The following IL5RA variants were observed in gnomAD, a reference collection of about 807,000 sequenced individuals.
IL5RA encodes interleukin-5 receptor subunit alpha.
IL5RA carries 49 observed loss-of-function variants against 50.0 expected under a neutral mutation model. That is an observed-to-expected ratio of 0.98 (90% CI 0.78 to 1.24). The LOEUF (loss-of-function observed/expected upper bound fraction) is 1.24, where lower values mean the gene tolerates loss of function less well. IL5RA is among the 50% of genes most tolerant of loss of function. The probability of loss-of-function intolerance (pLI) is 0.00; values close to 1 mark genes in which losing one functional copy is unlikely to be tolerated. For missense variants in IL5RA, 600 were observed against 500.4 expected (o/e 1.20, Z -1.90); for synonymous variants, 202 against 174.0 (o/e 1.16, Z -1.26).
chr3:3,101,621 T>C (rs1200018013), intron 5 of IL5RA, 71 bp downstream of exon 5: 5 of 1,517,018 alleles, frequency 3.3e-6, no homozygotes, highest in Non-Finnish European at 4.5e-6. Context: ...TGGGTTAGTG[T>C]TAATTTTTCT....
rs1260098821 is a variant in IL5RA at position 3,069,468 on chromosome 3, C to G, written c.*757G>C. ...ATTGAATTATGCTCAATGACTTCCT[C>G]AGCACATTTCCAGAATATTAAGGCT... On this transcript the variant is annotated 3_prime_UTR_variant, in exon 12 of 12. Coordinates refer to ENST00000446632, the MANE Select transcript of IL5RA (RefSeq NM_175726.4). 1 of 152,212 alleles carries G rather than the reference C, an allele frequency of 6.6e-6. No homozygotes were observed. The highest frequency in any genetic ancestry group is 1.5e-5 in the Non-Finnish European group (1 of 68,044). 9.4% of individuals were successfully genotyped at this position (152,212 alleles called of 1,614,324 possible).
At chr3:3,074,287 C>A (rs953345015) in intron 11 of IL5RA, among the ~76,000 whole-genome samples, 3 of 152,190 alleles carry the variant, frequency 2.0e-5, no homozygotes, top group Non-Finnish European at 4.4e-5. Context: ...CTAAGCAGAA[C>A]ATTGTACAAT....
rs907080511 is a variant in IL5RA at position 3,095,292 on chromosome 3, T to A, written c.855+7A>T. 3 of 1,571,292 alleles carry A rather than the reference T, an allele frequency of 1.9e-6. No homozygotes were observed. The African/African-American group carries it at 4.1e-5, about 21-fold the overall frequency. The stretch of plus-strand genomic sequence containing the variant: ...TTATCAAATATTGGAATAATCTGAG[T>A]AATTACCTGCAAATATCCATTCCTT... On this transcript the variant is annotated splice_region_variant and intron_variant, in intron 8 of 11. Transcript: ENST00000446632.
At chr3:3,107,133 G>A (rs900211469) in intron 2 of IL5RA, among the ~76,000 whole-genome samples, 6 of 152,000 alleles carry the variant, frequency 3.9e-5, no homozygotes, top group African/African-American at 1.4e-4. Flanking sequence ...TAAATAAATA[G>A]ACAGCTTTTT....
chr3:3,101,150 G>T (rs1325850496), intron 5 of IL5RA, among the ~76,000 whole-genome samples: 2 of 148,680 alleles, frequency 1.3e-5, no homozygotes, highest in Non-Finnish European at 1.5e-5. Context: ...CTGCACTTCA[G>T]CCTGGGCAAC....
In IL5RA at chr3:3,076,664, G is replaced by C. The variant is rs17882935; in HGVS notation, c.995-37C>G. On this transcript the variant is annotated intron_variant, in intron 9 of 11. Transcript: ENST00000446632. ...CAAAAAAGAAACAAAAAAATATAAA[G>C]TCCAAGTTAGAAGCAGCAGGTAAAA... is the stretch of plus-strand genomic sequence containing the variant. 4.3e-5 allele frequency: 59 copies of C among 1,358,102 alleles called. No individual in the cohort carries two copies. In the African/African-American group the frequency reaches 7.5e-4, roughly 17 times the overall value. The allele number at this position is 1,358,102 out of a possible 1,614,324, so 84.1% of individuals were successfully genotyped here.
At chr3:3,074,034 C>T (rs879039780) in intron 11 of IL5RA, among the ~76,000 whole-genome samples, 7 of 152,214 alleles carry the variant, frequency 4.6e-5, no homozygotes, top group Non-Finnish European at 4.4e-5. Flanking sequence ...CAAGGCAATT[C>T]ACTGGGGAAA....
chr3:3,082,416 A>G (rs1336578573), intron 9 of IL5RA, among the ~76,000 whole-genome samples: 2 of 152,204 alleles, frequency 1.3e-5, no homozygotes, highest in African/African-American at 4.8e-5. Flanking sequence ...GGGTTTCAGA[A>G]AGAAGAAGTC....
intron 1 of IL5RA, among the ~76,000 whole-genome samples, chr3:3,109,280 A>G (rs77400868): frequency 0.099 from 15,146 of 152,246 alleles, 977 homozygotes; most frequent in Middle Eastern, 0.2. Flanking sequence ...ATATACAATG[A>G]AACAATCTTG....
intron 4 of IL5RA, among the ~76,000 whole-genome samples, 171 bp from the exon 5 acceptor site, chr3:3,102,001 T>C (rs899282957): frequency 6.6e-6 from 1 of 152,220 alleles, no homozygotes; most frequent in African/African-American, 2.4e-5. Flanking sequence ...AACATAGTAA[T>C]TTCTCAATGA....
intron 7 of IL5RA, among the ~76,000 whole-genome samples, chr3:3,096,784 C>A (rs1703387352): frequency 6.6e-6 from 1 of 152,140 alleles, no homozygotes; most frequent in South Asian, 2.1e-4. Context: ...ATTCTTTACA[C>A]AAAGTTATAT....
intron 8 of IL5RA, among the ~76,000 whole-genome samples, chr3:3,094,884 C>T (rs1409355772): frequency 2.6e-5 from 4 of 152,062 alleles, no homozygotes; most frequent in Non-Finnish European, 4.4e-5. Context: ...CGCGCCATCA[C>T]GTTGGCTGAT....
chr3:3,100,980 CAATAAT>C (rs35949387), intron 5 of IL5RA, among the ~76,000 whole-genome samples: 14,548 of 141,578 alleles, frequency 0.1, 840 homozygotes, highest in East Asian at 0.16. Flanking sequence ...AACCCCATCT[CAATAAT>C]AATAATAATA....
At chr3:3,075,400 A>G (rs189196474) in intron 10 of IL5RA, among the ~76,000 whole-genome samples, 6 of 151,088 alleles carry the variant, frequency 4.0e-5, no homozygotes, top group Admixed American at 4.0e-4. Flanking sequence ...ACAGGGTTTC[A>G]CCATGTTGCC....
chr3:3,087,109 A>G (rs1702897322), intron 9 of IL5RA, among the ~76,000 whole-genome samples: 1 of 152,200 alleles, frequency 6.6e-6, no homozygotes, highest in Non-Finnish European at 1.5e-5. Flanking sequence ...TCACCTATTC[A>G]GTATGATGTA....
chr3:3,071,982 C>T (rs2125948478), intron 11 of IL5RA, among the ~76,000 whole-genome samples: 1 of 152,346 alleles, frequency 6.6e-6, no homozygotes, highest in Non-Finnish European at 1.5e-5. Context: ...GGACTTTGGG[C>T]ACCCACCCCA....
intron 9 of IL5RA, among the ~76,000 whole-genome samples, chr3:3,083,319 A>G (rs771109769): frequency 6.6e-6 from 1 of 152,218 alleles, no homozygotes; most frequent in Non-Finnish European, 1.5e-5. Flanking sequence ...AAATGTGTAG[A>G]GTAGTGAAGG....
Position 3,092,045 on chromosome 3 carries a change from C to T in IL5RA, c.994+179G>A. 3 of 1,367,108 alleles carry T rather than the reference C, an allele frequency of 2.2e-6. No individual in the cohort carries two copies. Among genetic ancestry groups the T allele is most frequent in the East Asian group, 2.7e-5 (1 of 36,716 alleles). 84.7% of individuals were successfully genotyped at this position (1,367,108 alleles called of 1,614,324 possible). A position where few individuals can be genotyped will look rare whatever the true frequency, so the allele number is the denominator to read the frequency against. Reference sequence around the variant, plus strand: ...AATGAGAAGCCTAGACACTTAAAAACTTCACTGGCTTCATGGCAAATCTAT... The same window carrying T: ...AATGAGAAGCCTAGACACTTAAAAATTTCACTGGCTTCATGGCAAATCTAT... On this transcript the variant is annotated intron_variant, in intron 9 of 11. Coordinates refer to ENST00000446632, the MANE Select transcript of IL5RA (RefSeq NM_175726.4). This position sits in a 1 kb window ranked among gnomAD's most constrained non-coding sequence, Gnocchi z 4.2.
At chr3:3,089,437 G>A (rs894510070) in intron 9 of IL5RA, among the ~76,000 whole-genome samples, 3 of 152,144 alleles carry the variant, frequency 2.0e-5, no homozygotes, top group Non-Finnish European at 4.4e-5. Flanking sequence ...TTTCACATGG[G>A]CTGATGGGTC....
Sources: gnomAD v4.1 joint callset for allele counts (sites outside exome capture counted in the v4.1 genomes callset) on GRCh38, gnomAD v4.1.1 for gene constraint, Gnocchi (gnomAD v3.1) non-coding constraint, MANE v1.5 for transcripts, NCBI Gene and HGNC (gene_info 2026-07-23, HGNC 2026-07-21) for gene names.